CD69: variants seen among roughly 807,000 people sequenced by gnomAD.
CD69 encodes early activation antigen CD69.
Under a neutral mutation model 21.4 loss-of-function variants are expected in CD69, and 10 were observed. The ratio of observed to expected loss-of-function variants is 0.47; its 90% CI spans 0.29 to 0.79. The LOEUF is 0.79. Among genes scored for constraint, CD69 ranks in the 30% least tolerant of loss-of-function variants. The pLI, the probability that CD69 is intolerant of heterozygous loss-of-function variation, is 0.09. For missense variants in CD69, 204 were observed against 236.9 expected (o/e 0.86, Z 0.91); for synonymous variants, 63 against 78.2 (o/e 0.81, Z 1.03).
intron 4 of CD69, among the ~76,000 whole-genome samples, chr12:9,753,911 T>C (rs1370769446): frequency 6.6e-6 from 1 of 152,230 alleles, no homozygotes; most frequent in African/African-American, 2.4e-5. Flanking sequence ...TCAACAGCCA[T>C]GCATACTAGT....
At chr12:9,760,518 C>G (rs1219259884) in intron 1 of CD69, among the ~76,000 whole-genome samples, 4 of 152,168 alleles carry the variant, frequency 2.6e-5, no homozygotes, top group Non-Finnish European at 4.4e-5. Flanking sequence ...GGTATTCTAT[C>G]TTCTTATAGA....
At chr12:9,759,195 C>T (rs920163095) in intron 1 of CD69, among the ~76,000 whole-genome samples, 5 of 152,162 alleles carry the variant, frequency 3.3e-5, no homozygotes, top group African/African-American at 1.2e-4. Flanking sequence ...TCCCAAAGTG[C>T]TGGGATTACA....
At position 9,756,432 on chromosome 12, in the gene CD69, A is replaced by G. The variant is rs1482227434; in HGVS notation, c.65-13T>C. The G allele has an allele frequency of 2.5e-6, 4 of 1,611,206 alleles. No individual in the cohort carries two copies. In the Admixed American group the frequency reaches 5.0e-5, roughly 20 times the overall value. ...CTGGTGGCATCATCTGGAAGGGAGA[A>G]AGTTGATGATGAGTTCAGGCAGACT... On this transcript the variant is annotated splice_polypyrimidine_tract_variant and intron_variant, in intron 1 of 4. Transcript: ENST00000228434.
chr12:9,756,340 C>A lies in CD69; in HGVS notation c.144G>T (p.Val48=). Reference sequence around the variant, plus strand: ...CTATGATTAAAATGGTGATGAAGACCACATTCATTACAGCACACAGGACAG... The same window carrying A: ...CTATGATTAAAATGGTGATGAAGACAACATTCATTACAGCACACAGGACAG... ...QVPVLCAVMN[V]VFITILIIAL... The change falls in exon 2 of 5, where the codon GTG becomes GTT. Residue 48 remains valine, a synonymous_variant. Transcript: ENST00000228434. The A allele has an allele frequency of 6.2e-7, 1 of 1,613,226 alleles. No individual in the cohort carries two copies. The highest frequency in any genetic ancestry group is 8.5e-7 in the Non-Finnish European group (1 of 1,179,336).
rs753358685 is a variant in CD69, at chr12:9,753,472, G to A, written c.*9C>T. 13 of 1,165,626 alleles carry A rather than the reference G, an allele frequency of 1.1e-5. 1 individual carries two copies. The highest frequency in any genetic ancestry group is 6.3e-5 in the South Asian group (5 of 79,316). 72.2% of individuals were successfully genotyped at this position (1,165,626 alleles called of 1,614,324 possible). ...TCTATAATAGTCAATAAGTGAACAT[G>A]TTTCCTTATTATTTGTAAGGTTTGT... is the stretch of plus-strand genomic sequence containing the variant. On this transcript the variant is annotated 3_prime_UTR_variant, in exon 5 of 5. Transcript: ENST00000228434.
At position 9,754,567 on chromosome 12, in the gene CD69, A is replaced by C; in HGVS notation, c.491+20T>G. The C allele has an allele frequency of 7.2e-7, 1 of 1,387,180 alleles. No individual in the cohort carries two copies. The highest frequency in any genetic ancestry group is 1.0e-6 in the Non-Finnish European group (1 of 973,370). The allele number at this position is 1,387,180 out of a possible 1,614,324, so 85.9% of individuals were successfully genotyped here. A position where few individuals can be genotyped will look rare whatever the true frequency, so the allele number is the denominator to read the frequency against. Reference sequence around the variant, plus strand: ...TGAGATGCCACCCTGGGGAATATAAAGAGACTTCTGGAGACTTACCAGTTG... The same window carrying C: ...TGAGATGCCACCCTGGGGAATATAACGAGACTTCTGGAGACTTACCAGTTG... On this transcript the variant is annotated intron_variant, in intron 4 of 4. Transcript: ENST00000228434.
intron 1 of CD69, among the ~76,000 whole-genome samples, chr12:9,757,492 T>G (rs1418832755): frequency 6.6e-6 from 1 of 152,172 alleles, no homozygotes; most frequent in Non-Finnish European, 1.5e-5. Context: ...AAGAGCCAAA[T>G]TCCAGAAATA....
chr12:9,756,285 G>A lies in CD69; in HGVS notation c.187+12C>T, dbSNP rs369487468. 1 of 1,611,070 alleles carries A rather than the reference G, an allele frequency of 6.2e-7. No homozygotes were observed. Among genetic ancestry groups the A allele is most frequent in the Non-Finnish European group, 8.5e-7 (1 of 1,178,164 alleles). On this transcript the variant is annotated intron_variant, in intron 2 of 4. Transcript: ENST00000228434. Reference sequence around the variant, plus strand: ...AGGAGGCTTTGAAAGAATTGATGAAGTGTAGACCCACCTGATAAGGCAATG... The same window carrying A: ...AGGAGGCTTTGAAAGAATTGATGAAATGTAGACCCACCTGATAAGGCAATG...
Position 9,753,409 on chromosome 12 carries a change from G to A in CD69, c.*72C>T. The A allele has an allele frequency of 1.5e-6, 1 of 653,930 alleles. No individual in the cohort carries two copies. Among genetic ancestry groups the A allele is most frequent in the East Asian group, 3.0e-5 (1 of 33,338 alleles). The allele number at this position is 653,930 out of a possible 1,614,324, so 40.5% of individuals were successfully genotyped here. A position where few individuals can be genotyped will look rare whatever the true frequency, so the allele number is the denominator to read the frequency against. On this transcript the variant is annotated 3_prime_UTR_variant, in exon 5 of 5. Coordinates refer to ENST00000228434, the MANE Select transcript of CD69 (RefSeq NM_001781.2). The stretch of plus-strand genomic sequence containing the variant: ...TCTCTATGGAAGACTTCGGACCACA[G>A]AGCAGCATCCACTGACACAGATTTC...
In CD69 at chr12:9,752,809, T is replaced by G. The variant is rs1866640657; in HGVS notation, c.*672A>C. The G allele has an allele frequency of 6.6e-6, 1 of 152,482 alleles. No individual in the cohort carries two copies. Among genetic ancestry groups the G allele is most frequent in the Non-Finnish European group, 1.5e-5 (1 of 68,014 alleles). 9.4% of individuals were successfully genotyped at this position (152,482 alleles called of 1,614,324 possible). A position where few individuals can be genotyped will look rare whatever the true frequency, so the allele number is the denominator to read the frequency against. On this transcript the variant is annotated 3_prime_UTR_variant, in exon 5 of 5. Coordinates refer to ENST00000228434, the MANE Select transcript of CD69 (RefSeq NM_001781.2). Reference sequence around the variant, plus strand: ...CTCTGTAAGACACTGTATAAAAGATTATAAAGGCAAAGAAATATGTACCAT... The same window carrying G: ...CTCTGTAAGACACTGTATAAAAGATGATAAAGGCAAAGAAATATGTACCAT...
At chr12:9,756,105 G>A (rs1344875636) in intron 2 of CD69, 192 bp downstream of exon 2, 2 of 379,712 alleles carry the variant, frequency 5.3e-6, no homozygotes, top group Admixed American at 4.3e-5. Flanking sequence ...ACTTATAAAA[G>A]TATTACATTA....
At chr12:9,757,924 T>C (rs1866695138) in intron 1 of CD69, among the ~76,000 whole-genome samples, 2 of 152,196 alleles carry the variant, frequency 1.3e-5, no homozygotes, top group African/African-American at 4.8e-5. Flanking sequence ...TTTAAAATGA[T>C]ATGTGAATGA....
rs1479897908 is a variant in CD69, at chr12:9,755,220, G to T, written c.229C>A (p.Pro77Thr). The change falls in exon 3 of 5, where the codon CCA becomes ACA. Residue 77 changes from proline (P) to threonine (T), a missense_variant. Pro to Thr is a conservative substitution (Grantham distance 38). Coordinates refer to ENST00000228434, the MANE Select transcript of CD69 (RefSeq NM_001781.2). ...CATGAAGAAACATGGCTGTCTGATG[G>T]CATTGAGAATGTGTATTGGCCTGGA... ...NCPGQYTFSM[P>T]SDSHVSSCSE... is the part of the protein sequence containing the mutation. The T allele has an allele frequency of 2.5e-6, 4 of 1,614,002 alleles. No individual in the cohort carries two copies. Among genetic ancestry groups the T allele is most frequent in the Non-Finnish European group, 3.4e-6 (4 of 1,179,940 alleles).
intron 1 of CD69, among the ~76,000 whole-genome samples, chr12:9,759,169 T>C (rs1364742942): frequency 6.6e-6 from 1 of 152,168 alleles, no homozygotes; most frequent in East Asian, 1.9e-4. Flanking sequence ...GACCTCGTGA[T>C]CCGCCCACCT....
intron 4 of CD69, 44 bp downstream of exon 4, chr12:9,754,543 G>C (rs371705828): frequency 5.5e-6 from 6 of 1,091,472 alleles, no homozygotes; most frequent in Non-Finnish European, 7.1e-6. Context: ...TGATTTTCCT[G>C]AGATGCCACC....
At position 9,756,423 on chromosome 12, in the gene CD69, G is replaced by T; in HGVS notation, c.65-4C>A. ...AAATGGGGACTGGTGGCATCATCTGGAAGGGAGAAAGTTGATGATGAGTTC... is the reference window on the plus strand; with the variant it reads ...AAATGGGGACTGGTGGCATCATCTGTAAGGGAGAAAGTTGATGATGAGTTC... On this transcript the variant is annotated splice_region_variant and splice_polypyrimidine_tract_variant and intron_variant, in intron 1 of 4. Coordinates refer to ENST00000228434, the MANE Select transcript of CD69 (RefSeq NM_001781.2). 6.2e-7 allele frequency: 1 copy of T among 1,612,910 alleles called. No homozygotes were observed. Among genetic ancestry groups the T allele is most frequent in the Non-Finnish European group, 8.5e-7 (1 of 1,179,236 alleles).
rs765267342 is a variant in CD69, at chr12:9,755,136, T to C, written c.313A>G (p.Ser105Gly). The C allele has an allele frequency of 6.2e-7, 1 of 1,614,062 alleles. No individual in the cohort carries two copies. Among genetic ancestry groups the C allele is most frequent in the East Asian group, 2.2e-5 (1 of 44,878 alleles). Residue 105 changes from serine to glycine, a missense_variant, in exon 3 of 5, where the codon AGC becomes GGC. Ser to Gly is a moderately conservative substitution (Grantham distance 56). Transcript: ENST00000228434. ...KCYFISTVKR[S>G]WTSAQNACSE... Reference sequence around the variant, plus strand: ...CAAGCATTTTGGGCTGAAGTCCAGCTCCTCTTCACAGTAGAAATAAAGTAG... The same window carrying C: ...CAAGCATTTTGGGCTGAAGTCCAGCCCCTCTTCACAGTAGAAATAAAGTAG...
At chr12:9,758,993 G>C (rs1191426091) in intron 1 of CD69, among the ~76,000 whole-genome samples, 1 of 117,414 alleles carries the variant, frequency 8.5e-6, no homozygotes, top group Non-Finnish European at 1.9e-5. Context: ...GCAGTTGCGT[G>C]ATCTCGGCTC....
At position 9,755,001 on chromosome 12, in the gene CD69, G is replaced by A. The variant is rs558498395; in HGVS notation, c.387+61C>T. The stretch of plus-strand genomic sequence containing the variant: ...TGTTTTCTCCACTTAGAAACGGAAG[G>A]AAAGCACTGATTAGCCATATGAATT... On this transcript the variant is annotated intron_variant, in intron 3 of 4. Transcript: ENST00000228434. 16 of 1,346,192 alleles carry A rather than the reference G, an allele frequency of 1.2e-5. No homozygotes were observed. The South Asian group carries it at 1.9e-4, about 16-fold the overall frequency. The allele number at this position is 1,346,192 out of a possible 1,614,324, so 83.4% of individuals were successfully genotyped here. A position where few individuals can be genotyped will look rare whatever the true frequency, so the allele number is the denominator to read the frequency against.
Sources: gnomAD v4.1 joint callset for allele counts (sites outside exome capture counted in the v4.1 genomes callset) on GRCh38, gnomAD v4.1.1 for gene constraint, MANE v1.5 for transcripts, NCBI Gene and HGNC (gene_info 2026-07-23, HGNC 2026-07-21) for gene names.